Variants in EPHB1 observed in about 807,000 individuals in gnomAD.
EPHB1 encodes EPH receptor B1.
EPHB1 carries 30 observed loss-of-function variants against 94.4 expected under a neutral mutation model. The ratio of observed to expected loss-of-function variants is 0.32; its 90% confidence interval spans 0.24 to 0.43. The LOEUF (loss-of-function observed/expected upper bound fraction) is 0.43, where lower values mean the gene tolerates loss of function less well. EPHB1 is among the 20% of genes least tolerant of loss of function. The pLI is 1.00. For missense variants in EPHB1, 1,055 were observed against 1,308.3 expected, an observed-to-expected ratio of 0.81 and a Z score of 2.99; for synonymous variants, 522 against 489.1, an observed-to-expected ratio of 1.07 and a Z score of -0.89.
intron 3 of EPHB1, among the ~76,000 whole-genome samples, chr3:135,051,017 G>A (rs191351009): frequency 2.6e-5 from 4 of 151,786 alleles, no homozygotes; most frequent in African/African-American, 4.8e-5. Flanking sequence ...AGAGAGAGAG[G>A]GGCACCCAAG....
intron 3 of EPHB1, among the ~76,000 whole-genome samples, chr3:135,069,568 C>G (rs1317829946): frequency 6.6e-6 from 1 of 152,156 alleles, no homozygotes; most frequent in Admixed American, 6.5e-5. Flanking sequence ...TGAGGCCTTA[C>G]CAGGTGGGAT....
At chr3:135,145,361 C>T (rs1246929240) in intron 5 of EPHB1, among the ~76,000 whole-genome samples, 1 of 152,158 alleles carries the variant, frequency 6.6e-6, no homozygotes, top group East Asian at 1.9e-4. Flanking sequence ...CCAGCCAGCC[C>T]AATCCTTCAT....
At chr3:135,223,144 A>G (rs1943313370) in intron 12 of EPHB1, among the ~76,000 whole-genome samples, 1 of 152,240 alleles carries the variant, frequency 6.6e-6, no homozygotes, top group South Asian at 2.1e-4. Context: ...AAATTAAGAC[A>G]CATTAGAACA....
At chr3:135,077,000 G>A (rs138809099) in intron 3 of EPHB1, among the ~76,000 whole-genome samples, 127 of 152,156 alleles carry the variant, frequency 8.3e-4, no homozygotes, top group African/African-American at 2.9e-3. Flanking sequence ...TAATTGTGGT[G>A]AGAACTCTAC....
At chr3:134,797,360 C>T (rs148200050) in intron 1 of EPHB1, among the ~76,000 whole-genome samples, 1 of 152,130 alleles carries the variant, frequency 6.6e-6, no homozygotes, top group African/African-American at 2.4e-5. Flanking sequence ...ATATATACCC[C>T]CAAACCGGGC....
rs554097513 is a variant in EPHB1, at chr3:134,894,770, C to T, written c.59-31046C>T. Among the ~76,000 whole-genome samples, 198 of 152,326 alleles carry T rather than the reference C, an allele frequency of 1.3e-3. 2 individuals carry two copies. Among genetic ancestry groups the T allele is most frequent in the South Asian group, 9.7e-3 (47 of 4,826 alleles). On this transcript the variant is annotated intron_variant, in intron 1 of 15. Transcript: ENST00000398015. ...GACATAGAAGGTAGGATTTTCTCTG[C>T]GTCCTCCTCGTGGTCACCTCTGATC...
intron 1 of EPHB1, among the ~76,000 whole-genome samples, chr3:134,820,769 C>T (rs2036365016): frequency 1.3e-5 from 2 of 152,152 alleles, no homozygotes; most frequent in Admixed American, 6.5e-5. Context: ...TGCCCCGGAA[C>T]GTTTGCACCT....
At chr3:135,108,508 C>T (rs1010159486) in intron 4 of EPHB1, among the ~76,000 whole-genome samples, 25 of 152,262 alleles carry the variant, frequency 1.6e-4, no homozygotes, top group African/African-American at 5.8e-4. Flanking sequence ...CACCCTTGAC[C>T]TCTGAGATGC....
chr3:134,969,122 C>T, intron 3 of EPHB1, among the ~76,000 whole-genome samples: 1 of 152,216 alleles, frequency 6.6e-6, no homozygotes, highest in African/African-American at 2.4e-5. Context: ...TTTTCCATTA[C>T]CATCAGCATC....
chr3:134,894,716 A>G (rs1446961329), intron 1 of EPHB1, among the ~76,000 whole-genome samples: 1 of 152,168 alleles, frequency 6.6e-6, no homozygotes, highest in Admixed American at 6.5e-5. Context: ...CAACATCACT[A>G]CTTAGTTGGG....
intron 11 of EPHB1, among the ~76,000 whole-genome samples, chr3:135,194,146 G>A (rs1018830926): frequency 5.3e-5 from 8 of 152,274 alleles, no homozygotes; most frequent in African/African-American, 1.7e-4. Flanking sequence ...GTAGTGACAG[G>A]CCCAGATACA....
At chr3:134,837,145 G>A (rs1233954383) in intron 1 of EPHB1, among the ~76,000 whole-genome samples, 6 of 152,112 alleles carry the variant, frequency 3.9e-5, no homozygotes, top group Non-Finnish European at 8.8e-5. Context: ...ACTGATCCTC[G>A]CCCAGCTCTG....
chr3:135,017,552 C>A (rs1935843940), intron 3 of EPHB1, among the ~76,000 whole-genome samples: 1 of 152,134 alleles, frequency 6.6e-6, no homozygotes, highest in African/African-American at 2.4e-5. Context: ...ACCTGCTTCC[C>A]GTAGCTCCCA....
intron 6 of EPHB1, among the ~76,000 whole-genome samples, chr3:135,158,182 A>G (rs1479807093): frequency 5.9e-5 from 9 of 152,192 alleles, no homozygotes; most frequent in Non-Finnish European, 5.9e-5. Flanking sequence ...TCTTTAGAAG[A>G]TGTAAACACA....
At chr3:135,060,908 G>A (rs1183275970) in intron 3 of EPHB1, among the ~76,000 whole-genome samples, 2 of 136,438 alleles carry the variant, frequency 1.5e-5, no homozygotes, top group African/African-American at 5.5e-5. Flanking sequence ...TTTTTTTTTT[G>A]TACCCATTCA....
At chr3:135,193,725 A>G (rs3821502) in intron 11 of EPHB1, among the ~76,000 whole-genome samples, 56,638 of 152,146 alleles carry the variant, frequency 0.37, 11,207 homozygotes, top group East Asian at 0.63. Context: ...AGGGTCAGTC[A>G]TTGAAACATT....
intron 10 of EPHB1, among the ~76,000 whole-genome samples, chr3:135,180,351 C>T (rs1942120762): frequency 6.6e-6 from 1 of 152,180 alleles, no homozygotes; most frequent in Non-Finnish European, 1.5e-5. Context: ...AATGATATCT[C>T]AATGGGTTAA....
chr3:134,986,363 G>A (rs36100), intron 3 of EPHB1, among the ~76,000 whole-genome samples: 95,915 of 152,064 alleles, frequency 0.63, 32,075 homozygotes, highest in African/African-American at 0.83. Context: ...CAAATGCAGC[G>A]TGGCATAGAC....
At chr3:135,111,742 T>G (rs1286853780) in intron 4 of EPHB1, among the ~76,000 whole-genome samples, 1 of 152,158 alleles carries the variant, frequency 6.6e-6, no homozygotes, top group Non-Finnish European at 1.5e-5. Flanking sequence ...TGCAGTGGCG[T>G]GATCTCAGCT....
Sources: gnomAD v4.1 joint callset for allele counts (sites outside exome capture counted in the v4.1 genomes callset) on GRCh38, gnomAD v4.1.1 for gene constraint, MANE v1.5 for transcripts, NCBI Gene and HGNC (gene_info 2026-07-23, HGNC 2026-07-21) for gene names.